The following ARPC1A variants were observed in gnomAD, a reference collection of about 807,000 sequenced individuals.
ARPC1A encodes actin related protein 2/3 complex subunit 1A.
ARPC1A carries 8 observed loss-of-function variants against 46.9 expected under a neutral mutation model. That is an observed-to-expected ratio of 0.17 (90% CI 0.10 to 0.31). ARPC1A has a LOEUF of 0.31. ARPC1A is among the 10% of genes least tolerant of loss of function. ARPC1A has a pLI of 1.00. For missense variants in ARPC1A, 286 were observed against 483.6 expected, an observed-to-expected ratio of 0.59 and a Z score of 3.83; for synonymous variants, 152 against 169.0, an observed-to-expected ratio of 0.90 and a Z score of 0.78.
At chr7:99,353,638 T>A (rs1472132548) in intron 5 of ARPC1A, among the ~76,000 whole-genome samples, 1 of 151,748 alleles carries the variant, frequency 6.6e-6, no homozygotes, top group Non-Finnish European at 1.5e-5. Flanking sequence ...CCCCCACGCT[T>A]GGCTAATTTT....
At chr7:99,353,220 G>T (rs1215474750) in intron 5 of ARPC1A, among the ~76,000 whole-genome samples, 5 of 151,678 alleles carry the variant, frequency 3.3e-5, no homozygotes, top group African/African-American at 1.2e-4. Context: ...GTGCAGTGGC[G>T]CAATCTCAGC....
At chr7:99,328,582 C>T (rs1055002868) in intron 1 of ARPC1A, among the ~76,000 whole-genome samples, 2 of 152,102 alleles carry the variant, frequency 1.3e-5, no homozygotes, top group African/African-American at 4.8e-5. Context: ...AGCCAGGGTT[C>T]AAACCCAGCC....
chr7:99,365,845 G>T (rs763793970), intron 9 of ARPC1A, 46 bp from the exon 10 acceptor site: 3 of 1,541,954 alleles, frequency 1.9e-6, no homozygotes, highest in African/African-American at 2.7e-5. Flanking sequence ...CTACCTCGGG[G>T]TAGACACTCC....
At chr7:99,341,944 A>G (rs184406162) in intron 3 of ARPC1A, among the ~76,000 whole-genome samples, 49 of 152,332 alleles carry the variant, frequency 3.2e-4, no homozygotes, top group African/African-American at 1.1e-3. Context: ...AGAAGAAAAA[A>G]CTAGTCCATA....
intron 5 of ARPC1A, among the ~76,000 whole-genome samples, chr7:99,353,197 T>C (rs1793575757): frequency 6.6e-6 from 1 of 151,920 alleles, no homozygotes; most frequent in Non-Finnish European, 1.5e-5. Flanking sequence ...CTCGCTCTGT[T>C]GCCCAGCCTG....
intron 3 of ARPC1A, among the ~76,000 whole-genome samples, chr7:99,341,099 G>A (rs1295194211): frequency 7.2e-5 from 11 of 151,996 alleles, no homozygotes; most frequent in South Asian, 4.2e-4. Flanking sequence ...ACCTGAGGTC[G>A]GGAGTTTGAG....
At chr7:99,362,843 T>C (rs915548390) in intron 8 of ARPC1A, among the ~76,000 whole-genome samples, 27 of 152,154 alleles carry the variant, frequency 1.8e-4, no homozygotes, top group African/African-American at 6.3e-4. Context: ...AGTTGTTTCA[T>C]TTATCTGTTC....
intron 4 of ARPC1A, among the ~76,000 whole-genome samples, chr7:99,348,181 T>C (rs367579072): frequency 3.9e-5 from 6 of 152,180 alleles, no homozygotes; most frequent in African/African-American, 1.4e-4. Flanking sequence ...TCACCAAAAA[T>C]TCAGCAAATC....
chr7:99,349,709 G>A (rs1202999086), intron 5 of ARPC1A, among the ~76,000 whole-genome samples: 5 of 152,016 alleles, frequency 3.3e-5, no homozygotes, highest in African/African-American at 1.2e-4. Flanking sequence ...GCGTGGTGGC[G>A]GGTGCCTGTA....
At chr7:99,349,810 A>G (rs1793519469) in intron 5 of ARPC1A, among the ~76,000 whole-genome samples, 1 of 152,178 alleles carries the variant, frequency 6.6e-6, no homozygotes. Context: ...ACTGCACTCC[A>G]GCCTGGGCGA....
intron 4 of ARPC1A, among the ~76,000 whole-genome samples, chr7:99,348,058 A>G (rs1232362821): frequency 2.0e-5 from 3 of 152,146 alleles, no homozygotes; most frequent in Non-Finnish European, 4.4e-5. Context: ...CTAATCCCCA[A>G]CATGAGGTTC....
intron 8 of ARPC1A, among the ~76,000 whole-genome samples, chr7:99,362,030 C>T (rs1793749181): frequency 6.6e-6 from 1 of 152,122 alleles, no homozygotes; most frequent in African/African-American, 2.4e-5. Context: ...TGCAGAGGCT[C>T]ACGCCTGTAA....
At chr7:99,362,158 G>A (rs924230492) in intron 8 of ARPC1A, among the ~76,000 whole-genome samples, 21 of 151,640 alleles carry the variant, frequency 1.4e-4, no homozygotes, top group Non-Finnish European at 1.9e-4. Context: ...CGCCAGCCTG[G>A]TGGCAGGTGC....
At chr7:99,329,747 C>T (rs941054467) in intron 1 of ARPC1A, among the ~76,000 whole-genome samples, 2 of 152,220 alleles carry the variant, frequency 1.3e-5, no homozygotes, top group African/African-American at 4.8e-5. Flanking sequence ...TGCTACATTG[C>T]TTATAAAACA....
chr7:99,358,447 G>A (rs769818971), intron 7 of ARPC1A, 32 bp downstream of exon 7: 1 of 1,589,572 alleles, frequency 6.3e-7, no homozygotes, highest in Non-Finnish European at 8.6e-7. Context: ...CCCTCGGGGT[G>A]CACTGTATGT....
At chr7:99,331,604 C>A (rs1793145054) in intron 1 of ARPC1A, among the ~76,000 whole-genome samples, 1 of 152,020 alleles carries the variant, frequency 6.6e-6, no homozygotes, top group African/African-American at 2.4e-5. Flanking sequence ...CAAAATACAT[C>A]TTTTCTGCCC....
chr7:99,355,743 CAA>C (rs987931948), intron 6 of ARPC1A, among the ~76,000 whole-genome samples: 1 of 140,670 alleles, frequency 7.1e-6, no homozygotes, highest in Non-Finnish European at 1.6e-5. Flanking sequence ...GACTCCATCT[CAA>C]AAAAAAAAAG....
chr7:99,339,752 G>T, intron 3 of ARPC1A: 1 of 261,456 alleles, frequency 3.8e-6, no homozygotes, highest in Non-Finnish European at 8.1e-6. Flanking sequence ...AGAACATTTA[G>T]GTTGTTTCAA....
chr7:99,337,264 A>G (rs1793270210), intron 2 of ARPC1A, among the ~76,000 whole-genome samples: 1 of 152,138 alleles, frequency 6.6e-6, no homozygotes, highest in Non-Finnish European at 1.5e-5. Flanking sequence ...TCTACTAAAA[A>G]TACAAAATTA....
Sources: allele counts gnomAD v4.1 joint callset (sites outside exome capture counted in the v4.1 genomes callset), GRCh38; gene constraint gnomAD v4.1.1; transcripts MANE v1.5; gene names NCBI Gene and HGNC (gene_info 2026-07-23, HGNC 2026-07-21).